RASGRF1: variants seen among roughly 807,000 people sequenced by gnomAD.
RASGRF1 encodes ras-specific guanine nucleotide-releasing factor 1.
Under a neutral mutation model 138.7 loss-of-function variants are expected in RASGRF1, and 40 were observed. The observed-to-expected ratio is 0.29, with a 90% CI of 0.22 to 0.38. The LOEUF is 0.38. RASGRF1 is among the 10% of genes least tolerant of loss of function. The pLI, the probability that RASGRF1 is intolerant of heterozygous loss-of-function variation, is 1.00. For synonymous variants in RASGRF1, 614 were observed against 663.2 expected, an observed-to-expected ratio of 0.93 and a Z score of 1.14; for missense variants, 1,108 against 1,650.4, an observed-to-expected ratio of 0.67 and a Z score of 5.69.
chr15:79,078,801 C>G (rs2057874887), intron 1 of RASGRF1, among the ~76,000 whole-genome samples: 1 of 152,244 alleles, frequency 6.6e-6, no homozygotes, highest in African/African-American at 2.4e-5. Flanking sequence ...GTGCCTGTCT[C>G]AGGTCTCTGT....
intron 1 of RASGRF1, among the ~76,000 whole-genome samples, chr15:79,072,265 A>ATTTT (rs1567614777): frequency 6.4e-5 from 3 of 46,658 alleles, no homozygotes; most frequent in Non-Finnish European, 9.6e-5. Context: ...TTGATAAACA[A>ATTTT]TCTTTTTTTT....
At chr15:79,065,545 G>A (rs2057667906) in intron 1 of RASGRF1, among the ~76,000 whole-genome samples, 2 of 152,098 alleles carry the variant, frequency 1.3e-5, no homozygotes, top group South Asian at 4.1e-4. Context: ...GGCATTGGCA[G>A]GAGGAAGGGG....
intron 25 of RASGRF1, among the ~76,000 whole-genome samples, chr15:78,972,718 T>C (rs770544174): frequency 7.9e-5 from 12 of 152,132 alleles, no homozygotes; most frequent in Non-Finnish European, 1.5e-4. Context: ...AAGTAGAGGC[T>C]TTCTGGCGAA....
chr15:79,014,197 A>G (rs546081560), intron 13 of RASGRF1, among the ~76,000 whole-genome samples: 11 of 152,334 alleles, frequency 7.2e-5, no homozygotes, highest in Admixed American at 7.2e-4. Flanking sequence ...AGATTCCTTA[A>G]AGAAGGAAAA....
rs566175763 is a variant in RASGRF1, at chr15:79,004,273, C to T, written c.2076-98G>A. ...CCGGTGGGGCTCGGAGTGGCAGCAA[C>T]GGCTCCATCATTCTTAGGATCCCTG... On this transcript the variant is annotated intron_variant, in intron 14 of 26. Transcript: ENST00000558480. 9.1e-5 allele frequency: 127 copies of T among 1,396,204 alleles called. No homozygotes were observed. The Middle Eastern group carries it at 2.9e-3, about 31-fold the overall frequency. The allele number at this position is 1,396,204 out of a possible 1,614,324, so 86.5% of individuals were successfully genotyped here.
intron 2 of RASGRF1, among the ~76,000 whole-genome samples, chr15:79,061,430 A>ATATATATATATATC (rs933269711): frequency 6.8e-6 from 1 of 147,202 alleles, no homozygotes; most frequent in African/African-American, 2.5e-5. Flanking sequence ...ATATATATAT[A>ATATATATATATATC]TCATTCATTT....
At chr15:79,062,461 A>G (rs2057620150) in intron 2 of RASGRF1, among the ~76,000 whole-genome samples, 1 of 152,234 alleles carries the variant, frequency 6.6e-6, no homozygotes, top group South Asian at 2.1e-4. Flanking sequence ...CAAACACCTT[A>G]GCGGTATTCA....
Position 79,073,010 on chromosome 15 carries a change from C to T in RASGRF1, c.277-8484G>A, listed in dbSNP as rs1162658515. ...CCTGGATCCCGGTTGGATTCCTCTG[C>T]GGAACAGCAGCATTGTTCTGGAGTC... On this transcript the variant is annotated intron_variant, in intron 1 of 26. Coordinates refer to ENST00000558480, the MANE Select transcript of RASGRF1 (RefSeq NM_001145648.3). The surrounding 1 kb of genome is among the most constrained non-coding windows in gnomAD (Gnocchi z 4.2). 1.3e-5 allele frequency among the ~76,000 whole-genome samples: 2 copies of T among 152,172 alleles called. No individual in the cohort carries two copies. Among genetic ancestry groups the T allele is most frequent in the Admixed American group, 6.5e-5 (1 of 15,268 alleles).
At chr15:78,996,155 C>T (rs1595882124) in intron 19 of RASGRF1, among the ~76,000 whole-genome samples, 2 of 152,198 alleles carry the variant, frequency 1.3e-5, no homozygotes, top group Non-Finnish European at 2.9e-5. Context: ...GGCGCTCCTG[C>T]GAGCACATGG....
chr15:79,072,112 C>T (rs1211167319), intron 1 of RASGRF1, among the ~76,000 whole-genome samples: 1 of 152,054 alleles, frequency 6.6e-6, no homozygotes, highest in African/African-American at 2.4e-5. Flanking sequence ...AAGGCCCAAG[C>T]TCCAAAGCCT....
chr15:79,010,269 C>T (rs540333552), intron 13 of RASGRF1, among the ~76,000 whole-genome samples: 32 of 152,196 alleles, frequency 2.1e-4, no homozygotes, highest in African/African-American at 7.7e-4. Context: ...ACCTCCTGAC[C>T]TCAATTGATC....
rs1232299457 is a variant in RASGRF1 at position 79,046,771 on chromosome 15, C to T, written c.853G>A (p.Asp285Asn). 1.8e-5 allele frequency: 29 copies of T among 1,614,244 alleles called. No homozygotes were observed. Among genetic ancestry groups the T allele is most frequent in the Non-Finnish European group, 2.3e-5 (27 of 1,180,040 alleles). ...SSKKPPITHDDVSSIFLNSET... is the reference protein window; with the variant it reads ...SSKKPPITHDNVSSIFLNSET... ...CTGTTCAGGAAGATGCTGCTGACGT[C>T]GTCGTGTGTGATGGGAGGCTTCTTG... is the stretch of plus-strand genomic sequence containing the variant. The change falls in exon 5 of 27, where the codon GAC (aspartate) becomes AAC (asparagine). Residue 285 changes from aspartate (D) to asparagine (N), a missense_variant. Physicochemically the swap from Asp to Asn is conservative, Grantham distance 23. Transcript: ENST00000558480. This position sits in a 1 kb window ranked among gnomAD's most constrained non-coding sequence, Gnocchi z 5.3.
At chr15:78,978,980 A>G in intron 24 of RASGRF1, 1 of 1,290,758 alleles carries the variant, frequency 7.7e-7, no homozygotes, top group Non-Finnish European at 1.0e-6. Context: ...GGGGACTCAG[A>G]CAGAATGGGG....
At chr15:79,011,099 A>G (rs1004858845) in intron 13 of RASGRF1, among the ~76,000 whole-genome samples, 3 of 152,068 alleles carry the variant, frequency 2.0e-5, no homozygotes, top group Non-Finnish European at 4.4e-5. Context: ...CAGCTAGGCT[A>G]TCCGCTCCCC....
intron 16 of RASGRF1, among the ~76,000 whole-genome samples, chr15:79,000,886 T>A (rs1280605605): frequency 6.6e-6 from 1 of 152,206 alleles, no homozygotes; most frequent in African/African-American, 2.4e-5. Context: ...GGGTTCCTTT[T>A]GAAAGCCTGG....
At position 78,990,225 on chromosome 15, in the gene RASGRF1, G is replaced by C; in HGVS notation, c.3180C>G (p.Thr1060=). The C allele has an allele frequency of 1.9e-6, 3 of 1,610,034 alleles. No homozygotes were observed. Among genetic ancestry groups the C allele is most frequent in the Non-Finnish European group, 2.6e-6 (3 of 1,176,300 alleles). The change falls in exon 22 of 27, where the codon ACC becomes ACG. Residue 1060 remains threonine, a synonymous_variant. Transcript: ENST00000558480. The part of the protein sequence containing the change: ...GWMKLEKNER[T]PYIMKTTKHF... ...GCTTAGTGGTTTTCATGATATAAGG[G>C]GTCCTTTCATTCTTTTCCAGTTTCA...
At chr15:79,077,054 C>T (rs752932819) in intron 1 of RASGRF1, among the ~76,000 whole-genome samples, 6 of 152,192 alleles carry the variant, frequency 3.9e-5, no homozygotes, top group East Asian at 1.9e-4. Flanking sequence ...GAAAGCCATC[C>T]GTGCCTCTTC....
intron 9 of RASGRF1, among the ~76,000 whole-genome samples, chr15:79,026,321 G>C (rs2057051387): frequency 6.6e-6 from 1 of 152,176 alleles, no homozygotes; most frequent in Non-Finnish European, 1.5e-5. Flanking sequence ...GTTCTGAAAA[G>C]CCCTTCCTTC....
At chr15:79,021,606 T>C (rs1455237669) in intron 10 of RASGRF1, among the ~76,000 whole-genome samples, 1 of 152,252 alleles carries the variant, frequency 6.6e-6, no homozygotes, top group Non-Finnish European at 1.5e-5. Flanking sequence ...CTATTGCCAC[T>C]TGGATATTTC....
Sources: gnomAD v4.1 joint callset for allele counts (sites outside exome capture counted in the v4.1 genomes callset) on GRCh38, gnomAD v4.1.1 for gene constraint, Gnocchi (gnomAD v3.1) non-coding constraint, MANE v1.5 for transcripts, NCBI Gene and HGNC (gene_info 2026-07-23, HGNC 2026-07-21) for gene names.